LRRC7: variants seen among roughly 807,000 people sequenced by gnomAD.
LRRC7 encodes the protein leucine rich repeat containing 7.
LRRC7 carries 23 observed loss-of-function variants against 175.7 expected under a neutral mutation model. The observed-to-expected ratio is 0.13, with a 90% CI of 0.09 to 0.19. The LOEUF (loss-of-function observed/expected upper bound fraction) is 0.19. LRRC7 is among the 10% of genes least tolerant of loss of function. The pLI is 1.00. For missense variants in LRRC7, 1,354 were observed against 1,904.7 expected (o/e 0.71, Z 5.38); for synonymous variants, 685 against 680.9 (o/e 1.01, Z -0.09).
chr1:69,774,839 A>G (rs1057338563), intron 3 of LRRC7, among the ~76,000 whole-genome samples: 1 of 152,110 alleles, frequency 6.6e-6, no homozygotes, highest in African/African-American at 2.4e-5. Flanking sequence ...AAGTGCCATA[A>G]TATGAAATAA....
chr1:69,931,609 C>A (rs766624092), intron 8 of LRRC7, 39 bp downstream of exon 8: 1 of 1,491,194 alleles, frequency 6.7e-7, no homozygotes, highest in South Asian at 1.1e-5. Context: ...AAATACCCTT[C>A]AGGAGATTCT....
At chr1:69,803,989 T>G (rs534817994) in intron 4 of LRRC7, among the ~76,000 whole-genome samples, 1 of 151,494 alleles carries the variant, frequency 6.6e-6, no homozygotes, top group East Asian at 1.9e-4. Flanking sequence ...TTATTTGGTT[T>G]GTTTATTGGT....
At chr1:69,765,765 G>A (rs1671558391) in intron 3 of LRRC7, among the ~76,000 whole-genome samples, 1 of 151,978 alleles carries the variant, frequency 6.6e-6, no homozygotes, top group Non-Finnish European at 1.5e-5. Flanking sequence ...TTGCTTAAGG[G>A]TTCTCCTTTC....
intron 8 of LRRC7, among the ~76,000 whole-genome samples, chr1:69,969,685 G>A (rs1304275708): frequency 6.6e-6 from 1 of 152,058 alleles, no homozygotes; most frequent in African/African-American, 2.4e-5. Flanking sequence ...AATAGTGGGG[G>A]ACTTCGATAT....
chr1:69,700,104 G>T (rs888285315), intron 2 of LRRC7, among the ~76,000 whole-genome samples: 2 of 151,980 alleles, frequency 1.3e-5, no homozygotes, highest in African/African-American at 4.8e-5. Context: ...GTGATCTAGG[G>T]GTCCAAAAGG....
rs113346785 is a variant in LRRC7, at chr1:69,830,622, A to G, written c.501-4158A>G. On this transcript the variant is annotated intron_variant, in intron 5 of 26. Coordinates refer to ENST00000651989, the MANE Select transcript of LRRC7 (RefSeq NM_001370785.2). ...CAAAGTATTATTGTATAAACATTCA[A>G]CTAAATCTATGAACAGAATCCTATG... is the stretch of plus-strand genomic sequence containing the variant. Among the ~76,000 whole-genome samples the G allele has an allele frequency of 9.9e-3, 1,498 of 152,012 alleles. 22 individuals carry two copies. Among genetic ancestry groups the G allele is most frequent in the African/African-American group, 0.034 (1,418 of 41,558 alleles).
chr1:69,912,379 G>A (rs372924792), intron 7 of LRRC7, among the ~76,000 whole-genome samples: 7 of 152,142 alleles, frequency 4.6e-5, no homozygotes, highest in South Asian at 4.1e-4. Flanking sequence ...GCTTAACTTG[G>A]CTTAACTATT....
At chr1:69,927,935 G>A (rs1278510856) in intron 7 of LRRC7, among the ~76,000 whole-genome samples, 1 of 151,942 alleles carries the variant, frequency 6.6e-6, no homozygotes, top group Non-Finnish European at 1.5e-5. Flanking sequence ...CCATCTTTGT[G>A]GTTTTATCTA....
At chr1:69,891,704 C>A (rs1645838892) in intron 7 of LRRC7, among the ~76,000 whole-genome samples, 1 of 151,950 alleles carries the variant, frequency 6.6e-6, no homozygotes, top group African/African-American at 2.4e-5. Flanking sequence ...TGAACTCCAG[C>A]CTGGGCAACA....
At chr1:69,909,340 A>C (rs1316647073) in intron 7 of LRRC7, among the ~76,000 whole-genome samples, 1 of 152,012 alleles carries the variant, frequency 6.6e-6, no homozygotes, top group East Asian at 1.9e-4. Flanking sequence ...TTTGCTCGTT[A>C]GTTGATGCAG....
intron 7 of LRRC7, among the ~76,000 whole-genome samples, chr1:69,850,141 G>C (rs61782560): frequency 0.11 from 16,199 of 151,818 alleles, 2,080 homozygotes; most frequent in African/African-American, 0.31. Flanking sequence ...CGGTTTGCAT[G>C]TAGATTTGAA....
intron 7 of LRRC7, among the ~76,000 whole-genome samples, chr1:69,898,921 G>A (rs568451563): frequency 2.0e-5 from 3 of 152,368 alleles, no homozygotes; most frequent in Admixed American, 2.0e-4. Flanking sequence ...TGCTGCAACA[G>A]AGATCGTATA....
chr1:69,839,268 A>G (rs1681463144), intron 7 of LRRC7, among the ~76,000 whole-genome samples: 1 of 152,110 alleles, frequency 6.6e-6, no homozygotes, highest in African/African-American at 2.4e-5. Context: ...TGCCACAATT[A>G]TGAAAATAAC....
intron 7 of LRRC7, among the ~76,000 whole-genome samples, chr1:69,906,020 A>G (rs1188374142): frequency 6.6e-6 from 1 of 152,190 alleles, no homozygotes; most frequent in Admixed American, 6.5e-5. Flanking sequence ...GATGGCGAGC[A>G]TTTGTTCATG....
intron 2 of LRRC7, among the ~76,000 whole-genome samples, chr1:69,679,331 T>C (rs567833336): frequency 2.8e-4 from 43 of 152,254 alleles, no homozygotes; most frequent in African/African-American, 1.0e-3. Flanking sequence ...CACTGAAGTA[T>C]ACTGTTAAGT....
intron 3 of LRRC7, among the ~76,000 whole-genome samples, chr1:69,770,035 A>G (rs1672051146): frequency 6.6e-6 from 1 of 152,210 alleles, no homozygotes; most frequent in Non-Finnish European, 1.5e-5. Context: ...ACTGCTGCTC[A>G]GAATTCACAG....
At chr1:69,907,054 C>T (rs1322179705) in intron 7 of LRRC7, among the ~76,000 whole-genome samples, 2 of 151,724 alleles carry the variant, frequency 1.3e-5, no homozygotes, top group Non-Finnish European at 2.9e-5. Flanking sequence ...TGATTTGGCT[C>T]TCTGTTTGTC....
chr1:69,977,287 C>G (rs956055901), intron 8 of LRRC7, among the ~76,000 whole-genome samples: 3 of 152,034 alleles, frequency 2.0e-5, no homozygotes, highest in African/African-American at 7.2e-5. Context: ...ATATACAGAA[C>G]ACCAATCTGC....
chr1:69,939,015 CTA>C (rs36186445), intron 8 of LRRC7, among the ~76,000 whole-genome samples: 23 of 52,680 alleles, frequency 4.4e-4, no homozygotes, highest in Non-Finnish European at 8.1e-4. Context: ...ATATATATAT[CTA>C]TATATATATA....
Sources: gnomAD v4.1 joint callset for allele counts (sites outside exome capture counted in the v4.1 genomes callset) on GRCh38, gnomAD v4.1.1 for gene constraint, MANE v1.5 for transcripts, NCBI Gene and HGNC (gene_info 2026-07-23, HGNC 2026-07-21) for gene names.